Variants in HPSE2 observed in about 807,000 individuals in gnomAD.
HPSE2 encodes heparanase 2 (inactive), also known as inactive heparanase-2.
Under a neutral mutation model 60.5 loss-of-function variants are expected in HPSE2, and 38 were observed. The ratio of observed to expected loss-of-function variants is 0.63; its 90% confidence interval spans 0.48 to 0.82. The LOEUF (loss-of-function observed/expected upper bound fraction) is 0.82. HPSE2 is among the 40% of genes least tolerant of loss of function. The probability of loss-of-function intolerance (pLI) is 0.00; values close to 1 mark genes in which losing one functional copy is unlikely to be tolerated. For missense variants in HPSE2, 713 were observed against 740.4 expected (o/e 0.96, Z 0.43); for synonymous variants, 295 against 293.2 (o/e 1.01, Z -0.06).
chr10:98,651,834 G>T (rs1946925397), intron 6 of HPSE2, among the ~76,000 whole-genome samples: 1 of 150,768 alleles, frequency 6.6e-6, no homozygotes, highest in Admixed American at 6.6e-5. Context: ...GTGCAGTGGT[G>T]TGATTTTGGC....
chr10:98,951,366 ACAGT>A (rs1262348045), intron 3 of HPSE2, among the ~76,000 whole-genome samples: 1 of 152,196 alleles, frequency 6.6e-6, no homozygotes, highest in Non-Finnish European at 1.5e-5. Flanking sequence ...TGAAGAAATG[ACAGT>A]CAGCATGTGT....
At chr10:99,060,065 T>G (rs1267145542) in intron 3 of HPSE2, among the ~76,000 whole-genome samples, 1 of 150,082 alleles carries the variant, frequency 6.7e-6, no homozygotes, top group Admixed American at 6.6e-5. Context: ...CACACACAAA[T>G]AAACCTATGG....
the HPSE2 span, among the ~76,000 whole-genome samples, chr10:99,252,965 C>G: frequency 1.3e-5 from 2 of 151,576 alleles, no homozygotes; most frequent in Admixed American, 1.3e-4. Flanking sequence ...CAAAACACTG[C>G]TAAAAGCAAT....
chr10:98,945,121 C>T (rs1955141471), intron 3 of HPSE2, among the ~76,000 whole-genome samples: 1 of 152,156 alleles, frequency 6.6e-6, no homozygotes. Context: ...ATCAATATAC[C>T]TTTTGTGTAT....
chr10:98,926,310 C>A (rs1286898684), intron 3 of HPSE2, among the ~76,000 whole-genome samples: 1 of 151,966 alleles, frequency 6.6e-6, no homozygotes, highest in Non-Finnish European at 1.5e-5. Context: ...GAAAGGTCTA[C>A]ATAAGAATTA....
chr10:99,178,296 C>T lies in HPSE2; in HGVS notation c.449-33897G>A, dbSNP rs144331678. Among the ~76,000 whole-genome samples, 332 of 151,264 alleles carry T rather than the reference C, an allele frequency of 2.2e-3. 1 individual carries two copies. Among genetic ancestry groups the T allele is most frequent in the African/African-American group, 7.5e-3 (309 of 41,254 alleles). The stretch of plus-strand genomic sequence containing the variant: ...AGCAGAACTGAAGGAGATAGAGACA[C>T]GAAAAATGCTTCAAAAAAATCAATG... On this transcript the variant is annotated intron_variant, in intron 2 of 11. Transcript: ENST00000370552.
intron 3 of HPSE2, among the ~76,000 whole-genome samples, chr10:98,873,378 C>T (rs1295592049): frequency 1.3e-5 from 2 of 151,998 alleles, no homozygotes; most frequent in Non-Finnish European, 2.9e-5. Flanking sequence ...CTGCAACAGG[C>T]CCTGGTGTGT....
At chr10:99,026,535 G>T (rs138525335) in intron 3 of HPSE2, among the ~76,000 whole-genome samples, 1 of 152,012 alleles carries the variant, frequency 6.6e-6, no homozygotes, top group Non-Finnish European at 1.5e-5. Flanking sequence ...TGGAAACTTC[G>T]ACACCACACT....
chr10:99,279,575 T>C, the HPSE2 span, among the ~76,000 whole-genome samples: 2 of 152,206 alleles, frequency 1.3e-5, no homozygotes, highest in Admixed American at 1.3e-4. Flanking sequence ...AACTTTTGAG[T>C]GGTAGGTTTT....
At chr10:98,932,442 T>C (rs1409410404) in intron 3 of HPSE2, among the ~76,000 whole-genome samples, 1 of 144,062 alleles carries the variant, frequency 6.9e-6, no homozygotes, top group Non-Finnish European at 1.5e-5. Flanking sequence ...TTTTTTGTTA[T>C]ATCTCTGCCA....
At chr10:98,758,148 G>T (rs1356196720) in intron 3 of HPSE2, among the ~76,000 whole-genome samples, 2 of 152,082 alleles carry the variant, frequency 1.3e-5, no homozygotes, top group Non-Finnish European at 2.9e-5. Flanking sequence ...GCAGAAGATT[G>T]AAACTGAACC....
At chr10:98,599,128 A>T (rs1945327491) in intron 9 of HPSE2, among the ~76,000 whole-genome samples, 1 of 152,002 alleles carries the variant, frequency 6.6e-6, no homozygotes, top group Non-Finnish European at 1.5e-5. Flanking sequence ...ACAGAGATTG[A>T]CCTGAAGGAT....
chr10:99,152,994 G>A (rs1846342248), intron 2 of HPSE2, among the ~76,000 whole-genome samples: 1 of 152,226 alleles, frequency 6.6e-6, no homozygotes, highest in Non-Finnish European at 1.5e-5. Context: ...GGTGACAGAG[G>A]GCACCTGGAA....
chr10:99,055,895 C>A (rs1958102370), intron 3 of HPSE2, among the ~76,000 whole-genome samples: 1 of 152,018 alleles, frequency 6.6e-6, no homozygotes, highest in African/African-American at 2.4e-5. Flanking sequence ...AATCAATTAT[C>A]TAAATCTCCA....
chr10:98,990,965 C>A (rs1474045153), intron 3 of HPSE2, among the ~76,000 whole-genome samples: 1 of 152,158 alleles, frequency 6.6e-6, no homozygotes, highest in Non-Finnish European at 1.5e-5. Flanking sequence ...AATCAAACCC[C>A]ATGCCCCAAT....
chr10:99,090,757 A>G lies in HPSE2; in HGVS notation c.610+53481T>C, dbSNP rs528971585. ...ACATAGGTTGTACCTCAATTTTTTCAATTTGTGATCAAAGATCTGTCTACC... is the reference window on the plus strand; with the variant it reads ...ACATAGGTTGTACCTCAATTTTTTCGATTTGTGATCAAAGATCTGTCTACC... On this transcript the variant is annotated intron_variant, in intron 3 of 11. Coordinates refer to ENST00000370552, the MANE Select transcript of HPSE2 (RefSeq NM_021828.5). Among the ~76,000 whole-genome samples the G allele has an allele frequency of 9.2e-5, 14 of 152,018 alleles. No homozygotes were observed. In the South Asian group the frequency reaches 2.9e-3, roughly 32 times the overall value.
chr10:98,591,112 G>A (rs141151536), intron 9 of HPSE2, among the ~76,000 whole-genome samples: 16 of 82,370 alleles, frequency 1.9e-4, no homozygotes, highest in South Asian at 6.4e-4. Context: ...CAGGAAGAAC[G>A]GTGAAATAGG....
chr10:98,696,852 A>G (rs1277450597), intron 5 of HPSE2, among the ~76,000 whole-genome samples: 2 of 152,216 alleles, frequency 1.3e-5, no homozygotes, highest in Non-Finnish European at 2.9e-5. Flanking sequence ...TGCTGGAGCC[A>G]TGAATAGGGC....
chr10:99,083,906 T>C (rs910079577), intron 3 of HPSE2, among the ~76,000 whole-genome samples: 5 of 150,928 alleles, frequency 3.3e-5, no homozygotes, highest in African/African-American at 1.2e-4. Flanking sequence ...CCAGAAGGCA[T>C]TGTTCATCTG....
Sources: allele counts gnomAD v4.1 joint callset (sites outside exome capture counted in the v4.1 genomes callset), GRCh38; gene constraint gnomAD v4.1.1; transcripts MANE v1.5; gene names NCBI Gene and HGNC (gene_info 2026-07-23, HGNC 2026-07-21).